ERICH3: variants seen among roughly 807,000 people sequenced by gnomAD.
ERICH3 encodes the protein glutamate rich 3.
In ERICH3, 126 loss-of-function variants were observed where a neutral mutation model predicts 131.1. The observed-to-expected ratio is 0.96, with a 90% CI of 0.83 to 1.11. The LOEUF is 1.11. Among genes scored for constraint, ERICH3 ranks in the 50% most tolerant of loss-of-function variants. The pLI is 0.00. For synonymous variants in ERICH3, 695 were observed against 644.6 expected (o/e 1.08, Z -1.18); for missense variants, 2,050 against 1,810.7 (o/e 1.13, Z -2.40).
intron 4 of ERICH3, among the ~76,000 whole-genome samples, 154 bp downstream of exon 4, chr1:74,642,873 T>C (rs1243297081): frequency 6.6e-6 from 1 of 152,148 alleles, no homozygotes; most frequent in Admixed American, 6.6e-5. Context: ...GTAATGATGA[T>C]GGCTAAGATT....
chr1:74,648,856 G>A (rs1424833114), intron 2 of ERICH3, among the ~76,000 whole-genome samples: 2 of 152,036 alleles, frequency 1.3e-5, no homozygotes, highest in Non-Finnish European at 2.9e-5. Context: ...AATATCAAAA[G>A]CAATATTTTT....
chr1:74,597,699 C>T (rs1647920159), intron 11 of ERICH3, among the ~76,000 whole-genome samples: 1 of 151,892 alleles, frequency 6.6e-6, no homozygotes, highest in Non-Finnish European at 1.5e-5. Context: ...TAAAAAATAT[C>T]TTTTGAGAAA....
intron 12 of ERICH3, among the ~76,000 whole-genome samples, chr1:74,586,989 T>A (rs557823271): frequency 6.6e-6 from 1 of 152,280 alleles, no homozygotes; most frequent in South Asian, 2.1e-4. Context: ...TGTGTATTAT[T>A]TGTTAATAAA....
chr1:74,652,331 G>A (rs569072715), intron 1 of ERICH3, among the ~76,000 whole-genome samples: 1 of 152,176 alleles, frequency 6.6e-6, no homozygotes, highest in African/African-American at 2.4e-5. Context: ...ATGGTCAAAT[G>A]CTGCGTGGGC....
intron 11 of ERICH3, among the ~76,000 whole-genome samples, chr1:74,594,515 A>T (rs1001702354): frequency 2.0e-5 from 3 of 152,114 alleles, no homozygotes; most frequent in Non-Finnish European, 2.9e-5. Context: ...CACTAAATAC[A>T]TATCGAGAAC....
chr1:74,594,766 C>A (rs1201524288), intron 11 of ERICH3, among the ~76,000 whole-genome samples: 1 of 152,084 alleles, frequency 6.6e-6, no homozygotes, highest in Non-Finnish European at 1.5e-5. Flanking sequence ...TGTTTTAAAC[C>A]AATGACCAGA....
At chr1:74,655,899 C>T (rs1646579462) in intron 1 of ERICH3, among the ~76,000 whole-genome samples, 1 of 152,158 alleles carries the variant, frequency 6.6e-6, no homozygotes, top group Admixed American at 6.5e-5. Flanking sequence ...TCTCACAATA[C>T]TGGAGGCTGA....
chr1:74,604,337 A>T (rs1368377760), intron 10 of ERICH3, among the ~76,000 whole-genome samples: 1 of 151,886 alleles, frequency 6.6e-6, no homozygotes, highest in Non-Finnish European at 1.5e-5. Flanking sequence ...CCTCAAAGCC[A>T]CCTGTGAGGA....
intron 11 of ERICH3, chr1:74,592,282 A>C (rs1647644950): frequency 6.6e-6 from 1 of 152,138 alleles, no homozygotes; most frequent in Non-Finnish European, 1.5e-5. Flanking sequence ...TAAAATCTGG[A>C]TATGCCATCT....
intron 9 of ERICH3, among the ~76,000 whole-genome samples, chr1:74,611,723 C>T (rs138553987): frequency 2.6e-5 from 4 of 152,224 alleles, no homozygotes; most frequent in African/African-American, 9.6e-5. Flanking sequence ...ATCTCAAAAG[C>T]TATTTCAAGA....
chr1:74,673,406 C>T, intron 1 of ERICH3, 91 bp downstream of exon 1: 1 of 1,520,134 alleles, frequency 6.6e-7, no homozygotes, highest in South Asian at 1.2e-5. Context: ...TCCCCTCTCG[C>T]CCCTTCCCTC....
At chr1:74,610,428 CAAG>C (rs1443022530) in intron 9 of ERICH3, among the ~76,000 whole-genome samples, 1 of 149,378 alleles carries the variant, frequency 6.7e-6, no homozygotes, top group East Asian at 2.0e-4. Context: ...CGTTACCATA[CAAG>C]AATGTTCCTC....
In ERICH3 at chr1:74,572,277, CT is replaced by C; in HGVS notation, c.3432del (p.Gly1145GlufsTer5). On this transcript the variant is annotated frameshift_variant, in exon 14 of 15. Coordinates refer to ENST00000326665, the MANE Select transcript of ERICH3 (RefSeq NM_001002912.5). LOFTEE classifies it high-confidence loss of function. ...ASELSDNPGL[L>X]GEDSLKETVV... ...ACTGTCTCTTTTAGTGAATCTTCTCCTAGAAGCCCTGGATTGTCAGACAACT... is the reference window on the plus strand; with the variant it reads ...ACTGTCTCTTTTAGTGAATCTTCTCCAGAAGCCCTGGATTGTCAGACAACT... 6.2e-7 allele frequency: 1 copy of C among 1,614,064 alleles called. No homozygotes were observed. The highest frequency in any genetic ancestry group is 8.5e-7 in the Non-Finnish European group (1 of 1,180,010).
intron 12 of ERICH3, among the ~76,000 whole-genome samples, chr1:74,588,505 T>C (rs1647440587): frequency 1.3e-5 from 2 of 152,200 alleles, no homozygotes; most frequent in South Asian, 4.1e-4. Context: ...TTAACAGTAG[T>C]TTTTAAGGGT....
chr1:74,576,885 G>A lies in ERICH3; in HGVS notation c.2218+10C>T. 3.8e-6 allele frequency: 6 copies of A among 1,594,566 alleles called. No homozygotes were observed. Among genetic ancestry groups the A allele is most frequent in the Non-Finnish European group, 3.4e-6 (4 of 1,171,862 alleles). On this transcript the variant is annotated intron_variant, in intron 13 of 14. Coordinates refer to ENST00000326665, the MANE Select transcript of ERICH3 (RefSeq NM_001002912.5). ...ACTCTAATTGGACCTCTTGCAGATG[G>A]AATACTTACCACCAAGAGCCAGGAC... is the stretch of plus-strand genomic sequence containing the variant.
intron 12 of ERICH3, among the ~76,000 whole-genome samples, chr1:74,588,989 C>T (rs571130418): frequency 1.4e-4 from 22 of 152,256 alleles, no homozygotes; most frequent in South Asian, 4.1e-4. Flanking sequence ...ATTACACAGA[C>T]GCAATAGGCA....
chr1:74,572,616 C>G lies in ERICH3; in HGVS notation c.3094G>C (p.Glu1032Gln), dbSNP rs752781332. ...GCTTCTGCCTCAGTCACCATCTCTT[C>G]CCCTTCCACATCTTCCTTGCAAAGG... ...AFLCKEDVEG[E>Q]EMVTEAEANR... The change falls in exon 14 of 15, where the codon GAA becomes CAA. Residue 1032 changes from glutamate (E) to glutamine (Q), a missense_variant. Coordinates refer to ENST00000326665, the MANE Select transcript of ERICH3 (RefSeq NM_001002912.5). 1.2e-6 allele frequency: 2 copies of G among 1,614,068 alleles called. No homozygotes were observed. Among genetic ancestry groups the G allele is most frequent in the Admixed American group, 3.3e-5 (2 of 60,024 alleles).
Position 74,620,787 on chromosome 1 carries a change from T to G in ERICH3, c.947A>C (p.Gln316Pro), listed in dbSNP as rs758509556. ...ACAAAGGTTTTCCCCACCACAGTGC[T>G]GCTGATAAACTTTAATTTCATCCCG... is the stretch of plus-strand genomic sequence containing the variant. ...DFRDEIKVYQ[Q>P]HCGGENLCVY... The change falls in exon 8 of 15, where the codon CAG (glutamine) becomes CCG (proline). Residue 316 changes from glutamine (Q) to proline (P), a missense_variant. By Grantham distance (76) the Gln-to-Pro change is moderately conservative. Transcript: ENST00000326665. 5.0e-6 allele frequency: 8 copies of G among 1,613,308 alleles called. No homozygotes were observed. In the East Asian group the frequency reaches 1.8e-4, roughly 36 times the overall value.
chr1:74,631,573 T>G lies in ERICH3; in HGVS notation c.819+140A>C, dbSNP rs1646336595. 17 of 675,894 alleles carry G rather than the reference T, an allele frequency of 2.5e-5. 1 individual carries two copies. The South Asian group carries it at 3.4e-4, about 13-fold the overall frequency. The allele number at this position is 675,894 out of a possible 1,614,324, so 41.9% of individuals were successfully genotyped here. On this transcript the variant is annotated intron_variant, in intron 7 of 14. Transcript: ENST00000326665. ...CCTGTGGTTTCAGATACATTCAAGC[T>G]TACTTATAAAATTGTATTTCTTTAC...
Sources: allele counts gnomAD v4.1 joint callset (sites outside exome capture counted in the v4.1 genomes callset), GRCh38; gene constraint gnomAD v4.1.1; transcripts MANE v1.5; gene names NCBI Gene and HGNC (gene_info 2026-07-23, HGNC 2026-07-21).